MYO16: variants seen among roughly 807,000 people sequenced by gnomAD.
MYO16 encodes myosin XVI, also known as unconventional myosin-XVI.
Under a neutral mutation model 205.3 loss-of-function variants are expected in MYO16, and 94 were observed. The observed-to-expected ratio is 0.46, with a 90% CI of 0.39 to 0.54. MYO16 has a LOEUF of 0.54. Among genes scored for constraint, MYO16 ranks in the 20% least tolerant of loss-of-function variants. The pLI, the probability that MYO16 is intolerant of heterozygous loss-of-function variation, is 0.00. For missense variants in MYO16, 2,315 were observed against 2,387.5 expected (o/e 0.97, Z 0.63); for synonymous variants, 988 against 954.0 (o/e 1.04, Z -0.66).
At position 108,933,384 on chromosome 13, in the gene MYO16, T is replaced by G. The variant is rs192620187; in HGVS notation, c.1925+23234T>G. On this transcript the variant is annotated intron_variant, in intron 16 of 34. Coordinates refer to ENST00000457511, the MANE Select transcript of MYO16 (RefSeq NM_001198950.3). The stretch of plus-strand genomic sequence containing the variant: ...TCTTTCCTAATAATATATTTCCTAC[T>G]TGAAGAAATGAAGAAGCTCTTTGTT... Among the ~76,000 whole-genome samples the G allele has an allele frequency of 1.1e-4, 17 of 152,294 alleles. No individual in the cohort carries two copies. In the East Asian group the frequency reaches 3.3e-3, roughly 29 times the overall value.
At chr13:108,910,202 G>A (rs143134128) in intron 16 of MYO16, 52 bp downstream of exon 16, 2 of 1,529,388 alleles carry the variant, frequency 1.3e-6, no homozygotes, top group African/African-American at 1.4e-5. Flanking sequence ...AATTGTGATT[G>A]CAATTTGGTA....
At chr13:108,759,276 T>A (rs1431354518) in intron 4 of MYO16, among the ~76,000 whole-genome samples, 1 of 152,250 alleles carries the variant, frequency 6.6e-6, no homozygotes, top group Non-Finnish European at 1.5e-5. Flanking sequence ...TGTGAATAGT[T>A]ACCAGTTGTG....
intron 4 of MYO16, among the ~76,000 whole-genome samples, chr13:108,770,385 A>G (rs1885922093): frequency 6.6e-6 from 1 of 152,248 alleles, no homozygotes; most frequent in African/African-American, 2.4e-5. Context: ...ATATTTTATA[A>G]AAGCAAATTA....
At chr13:109,113,088 G>T (rs906023057) in intron 28 of MYO16, among the ~76,000 whole-genome samples, 1 of 152,172 alleles carries the variant, frequency 6.6e-6, no homozygotes, top group African/African-American at 2.4e-5. Context: ...CACTAAACAG[G>T]AGAAAAATGA....
At chr13:108,656,126 G>A (rs1352828626) in intron 1 of MYO16, among the ~76,000 whole-genome samples, 1 of 152,088 alleles carries the variant, frequency 6.6e-6, no homozygotes, top group African/African-American at 2.4e-5. Flanking sequence ...TGGTTTGGCT[G>A]TGTCCCCACC....
the MYO16 span, among the ~76,000 whole-genome samples, chr13:108,510,425 A>ATTTTTTTTTTTTTTTTT: frequency 1.5e-3 from 148 of 97,072 alleles, 7 homozygotes; most frequent in East Asian, 0.013. Flanking sequence ...TAGATAGTTA[A>ATTTTTTTTTTTTTTTTT]TTTTTTTTTT....
rs1331558215 is a variant in MYO16 at position 108,629,883 on chromosome 13, T to C, written c.28+11T>C. 2.6e-6 allele frequency: 4 copies of C among 1,522,444 alleles called. No individual in the cohort carries two copies. Among genetic ancestry groups the C allele is most frequent in the Non-Finnish European group, 3.5e-6 (4 of 1,135,640 alleles). The allele number at this position is 1,522,444 out of a possible 1,614,324, so 94.3% of individuals were successfully genotyped here. On this transcript the variant is annotated intron_variant, in intron 1 of 34. Transcript: ENST00000457511. ...ATTTTATCAAGTGCTGTAAGTAAGC[T>C]TGATATCTTGCTCATGTGGTTATTT...
intron 23 of MYO16, among the ~76,000 whole-genome samples, chr13:109,041,738 A>G (rs1003097322): frequency 6.6e-6 from 1 of 152,240 alleles, no homozygotes; most frequent in African/African-American, 2.4e-5. Context: ...TTACAACTGT[A>G]TACAAATCTA....
the MYO16 span, among the ~76,000 whole-genome samples, chr13:108,499,519 C>T: frequency 1.3e-5 from 2 of 152,192 alleles, no homozygotes; most frequent in Non-Finnish European, 1.5e-5. Flanking sequence ...GCACCCCCAA[C>T]CCCCCATCTA....
chr13:108,536,231 T>C, the MYO16 span, among the ~76,000 whole-genome samples: 1 of 152,190 alleles, frequency 6.6e-6, no homozygotes, highest in Non-Finnish European at 1.5e-5. Context: ...CAATTTCAGT[T>C]TTGATGTAAT....
chr13:108,698,156 CA>C (rs1299113591), intron 2 of MYO16, among the ~76,000 whole-genome samples: 1 of 152,188 alleles, frequency 6.6e-6, no homozygotes, highest in Non-Finnish European at 1.5e-5. Context: ...CTCTGTGTCC[CA>C]ATTCCAAATT....
intron 27 of MYO16, among the ~76,000 whole-genome samples, chr13:109,084,155 C>G (rs945021689): frequency 2.6e-5 from 4 of 152,018 alleles, no homozygotes; most frequent in African/African-American, 9.7e-5. Context: ...TAAAGAAAAC[C>G]TGGGTACTTA....
intron 7 of MYO16, among the ~76,000 whole-genome samples, chr13:108,816,087 TG>T (rs1397829622): frequency 6.6e-6 from 1 of 152,098 alleles, no homozygotes; most frequent in Non-Finnish European, 1.5e-5. Context: ...GAAAAACAAA[TG>T]GTGCTGGACC....
At chr13:108,873,719 A>G (rs574120034) in intron 12 of MYO16, among the ~76,000 whole-genome samples, 74 of 128,478 alleles carry the variant, frequency 5.8e-4, no homozygotes, top group Non-Finnish European at 1.1e-3. Context: ...CAACCAGGAC[A>G]GGGCCCATGC....
chr13:108,658,489 T>G (rs1384551967), intron 1 of MYO16, among the ~76,000 whole-genome samples: 1 of 151,706 alleles, frequency 6.6e-6, no homozygotes, highest in African/African-American at 2.4e-5. Flanking sequence ...GATACTTCGC[T>G]TATTGACTTT....
chr13:108,671,564 A>T (rs368752778), intron 2 of MYO16, among the ~76,000 whole-genome samples: 1 of 152,210 alleles, frequency 6.6e-6, no homozygotes, highest in Non-Finnish European at 1.5e-5. Context: ...CTAGAACTCA[A>T]TGAAAGAGTC....
Position 108,883,073 on chromosome 13 carries a change from T to A in MYO16, c.1440T>A (p.Tyr480Ter). ...CTGTTTTCCAGGTGTCCCAGCTGTA[T>A]TTCAGCTCCTCAGGGAAGCTGTGTT... is the stretch of plus-strand genomic sequence containing the variant. ...PIYSSMVSQLYFSSSGKLCSS... is the reference protein window; with the variant it reads ...PIYSSMVSQL The change falls in exon 13 of 35, where the codon TAT (tyrosine) becomes TAA (stop). Residue 480 changes from tyrosine to a stop codon, truncating the protein, a stop_gained. Coordinates refer to ENST00000457511, the MANE Select transcript of MYO16 (RefSeq NM_001198950.3). LOFTEE classifies it high-confidence loss of function. 1 of 1,614,018 alleles carries A rather than the reference T, an allele frequency of 6.2e-7. No individual in the cohort carries two copies. Among genetic ancestry groups the A allele is most frequent in the Non-Finnish European group, 8.5e-7 (1 of 1,179,914 alleles).
At chr13:109,088,311 A>G (rs1888505169) in intron 27 of MYO16, among the ~76,000 whole-genome samples, 1 of 152,180 alleles carries the variant, frequency 6.6e-6, no homozygotes, top group Non-Finnish European at 1.5e-5. Context: ...TGCTCAGGAG[A>G]TGGAGCTTGG....
At chr13:108,743,760 A>G (rs1418966785) in intron 4 of MYO16, among the ~76,000 whole-genome samples, 4 of 152,198 alleles carry the variant, frequency 2.6e-5, no homozygotes, top group Non-Finnish European at 5.9e-5. Context: ...AACTGCTGGA[A>G]CCAAAGCATT....
Sources: allele counts gnomAD v4.1 joint callset (sites outside exome capture counted in the v4.1 genomes callset), GRCh38; gene constraint gnomAD v4.1.1; transcripts MANE v1.5; gene names NCBI Gene and HGNC (gene_info 2026-07-23, HGNC 2026-07-21).